Variants in WDR37 observed in about 807,000 individuals in gnomAD.
WDR37 encodes WD repeat domain 37, also known as WD repeat-containing protein 37.
A neutral mutation model predicts 62.9 loss-of-function variants in WDR37; 19 were observed. The ratio of observed to expected loss-of-function variants is 0.30; its 90% CI spans 0.21 to 0.44. The LOEUF is 0.44. Ranked by LOEUF, WDR37 falls within the 20% of genes least tolerant of loss-of-function variation. WDR37 has a pLI of 1.00. For missense variants in WDR37, 474 were observed against 657.6 expected (o/e 0.72, Z 3.05); for synonymous variants, 250 against 260.9 (o/e 0.96, Z 0.40).
intron 5 of WDR37, among the ~76,000 whole-genome samples, chr10:1,081,960 G>A (rs1319977491): frequency 2.6e-5 from 4 of 152,132 alleles, no homozygotes; most frequent in African/African-American, 9.7e-5. Context: ...GTATAGTAAT[G>A]CTTTGCTTTA....
intron 7 of WDR37, among the ~76,000 whole-genome samples, chr10:1,090,025 G>A (rs1834334178): frequency 1.3e-5 from 2 of 152,148 alleles, no homozygotes; most frequent in Admixed American, 1.3e-4. Context: ...GAAGTGCAGT[G>A]GTGCAATCTT....
At chr10:1,078,948 T>G (rs1833950994) in intron 3 of WDR37, among the ~76,000 whole-genome samples, 1 of 152,208 alleles carries the variant, frequency 6.6e-6, no homozygotes, top group Non-Finnish European at 1.5e-5. Context: ...AACTAAGTGG[T>G]GTGGTTGGAT....
intron 1 of WDR37, among the ~76,000 whole-genome samples, chr10:1,069,387 A>ATTTTTTT (rs1368989652): frequency 9.9e-5 from 3 of 30,444 alleles, no homozygotes; most frequent in Admixed American, 3.3e-4. Flanking sequence ...ATATATATAT[A>ATTTTTTT]TATTTTTTTT....
chr10:1,111,445 T>C (rs190819659), intron 11 of WDR37, among the ~76,000 whole-genome samples: 6 of 152,310 alleles, frequency 3.9e-5, no homozygotes, highest in Non-Finnish European at 8.8e-5. Flanking sequence ...CTGTGCCTTT[T>C]TGAAAGACTG....
rs60535483 is a variant in WDR37, at chr10:1,112,730, A to G, written c.1103+7463A>G. On this transcript the variant is annotated intron_variant, in intron 11 of 13. Transcript: ENST00000263150. ...GTCTGCATTGATTAAACCAGCCACA[A>G]CATTCCCTTTAGCCAAAGCCTAATC... is the stretch of plus-strand genomic sequence containing the variant. Among the ~76,000 whole-genome samples the G allele has an allele frequency of 3.9e-5, 6 of 152,394 alleles. No homozygotes were observed. The East Asian group carries it at 9.6e-4, about 24-fold the overall frequency.
intron 9 of WDR37, chr10:1,096,509 G>A (rs370035948): frequency 2.0e-5 from 10 of 497,974 alleles, no homozygotes; most frequent in Admixed American, 7.1e-5. Flanking sequence ...TCCGTGTCAC[G>A]TAAGAGCAGA....
Position 1,072,146 on chromosome 10 carries a change from C to T in WDR37, c.-10C>T. 6.2e-6 allele frequency: 10 copies of T among 1,614,006 alleles called. No homozygotes were observed. Among genetic ancestry groups the T allele is most frequent in the Non-Finnish European group, 8.5e-6 (10 of 1,179,930 alleles). ...TGCAGGAGTGACCAGGACACTACCTCCTAGAAGTAATGCCCACAGAAAGCG... is the reference window on the plus strand; with the variant it reads ...TGCAGGAGTGACCAGGACACTACCTTCTAGAAGTAATGCCCACAGAAAGCG... On this transcript the variant is annotated 5_prime_UTR_variant, in exon 2 of 14. Transcript: ENST00000263150.
intron 2 of WDR37, chr10:1,074,561 G>T (rs184493972): frequency 7.5e-5 from 98 of 1,299,946 alleles, no homozygotes; most frequent in Admixed American, 9.2e-5. Flanking sequence ...GGCGGGAGAG[G>T]TGAGTGGCCC....
At chr10:1,106,657 C>G (rs1042852561) in intron 11 of WDR37, among the ~76,000 whole-genome samples, 1 of 152,002 alleles carries the variant, frequency 6.6e-6, no homozygotes, top group African/African-American at 2.4e-5. Context: ...GCTGGGATTA[C>G]AGGCGCCCAC....
Position 1,129,398 on chromosome 10 carries a change from G to A in WDR37, c.*54G>A. On this transcript the variant is annotated 3_prime_UTR_variant, in exon 14 of 14. Coordinates refer to ENST00000263150, the MANE Select transcript of WDR37 (RefSeq NM_014023.4). ...TTGCCAGCACAGACCTTTGATGGGT[G>A]CAGGCTTTTCTGCGTATTAATCAGC... 1.2e-6 allele frequency: 2 copies of A among 1,604,510 alleles called. No individual in the cohort carries two copies. Among genetic ancestry groups the A allele is most frequent in the Non-Finnish European group, 1.7e-6 (2 of 1,172,992 alleles).
rs188008395 is a variant in WDR37 at position 1,063,417 on chromosome 10, G to A, written c.-41+6449G>A. Among the ~76,000 whole-genome samples, 676 of 151,650 alleles carry A rather than the reference G, an allele frequency of 4.5e-3. 6 individuals are homozygous for A. Among genetic ancestry groups the A allele is most frequent in the African/African-American group, 0.015 (605 of 41,280 alleles). ...CCTGCTAATCAGAGAACTTTTCGGC[G>A]GTAAGTACTTTCCTCCAGCTAAATA... On this transcript the variant is annotated intron_variant, in intron 1 of 13. Coordinates refer to ENST00000263150, the MANE Select transcript of WDR37 (RefSeq NM_014023.4).
At chr10:1,088,145 G>A (rs1834262789) in intron 7 of WDR37, among the ~76,000 whole-genome samples, 1 of 152,170 alleles carries the variant, frequency 6.6e-6, no homozygotes, top group Non-Finnish European at 1.5e-5. Context: ...TCTGAATTAG[G>A]CTGCAGCTAA....
intron 7 of WDR37, among the ~76,000 whole-genome samples, chr10:1,092,689 C>G (rs1366982603): frequency 2.0e-5 from 3 of 151,760 alleles, no homozygotes; most frequent in African/African-American, 7.3e-5. Flanking sequence ...TGGCAAGACC[C>G]TGTCTCTACT....
chr10:1,113,140 C>T (rs1430713972), intron 11 of WDR37, among the ~76,000 whole-genome samples: 12 of 152,132 alleles, frequency 7.9e-5, no homozygotes, highest in Non-Finnish European at 1.8e-4. Context: ...AGCCAGTGCT[C>T]ATTTACCATT....
rs147957107 is a variant in WDR37, at chr10:1,064,429, C to T, written c.-41+7461C>T. 7.2e-5 allele frequency among the ~76,000 whole-genome samples: 11 copies of T among 152,174 alleles called. No individual in the cohort carries two copies. In the East Asian group the frequency reaches 2.1e-3, roughly 29 times the overall value. On this transcript the variant is annotated intron_variant, in intron 1 of 13. Transcript: ENST00000263150. ...TGTTTCCTAAACTTGGCAAGCCATA[C>T]ACCTTCAGACGTAAGAAGCAGCATA...
chr10:1,069,263 T>C (rs560191210), intron 1 of WDR37, among the ~76,000 whole-genome samples: 2 of 151,426 alleles, frequency 1.3e-5, no homozygotes, highest in Non-Finnish European at 2.9e-5. Flanking sequence ...TGAGCAGCCT[T>C]ATTCTTGGGC....
chr10:1,112,137 T>G (rs1835236901), intron 11 of WDR37, among the ~76,000 whole-genome samples: 1 of 152,236 alleles, frequency 6.6e-6, no homozygotes, highest in Non-Finnish European at 1.5e-5. Flanking sequence ...AGCCCAGCCC[T>G]GGCTGAGCAG....
chr10:1,103,727 C>A lies in WDR37; in HGVS notation c.852C>A (p.Val284=), dbSNP rs1834898710. The A allele has an allele frequency of 1.2e-6, 2 of 1,614,244 alleles. No individual in the cohort carries two copies. Among genetic ancestry groups the A allele is most frequent in the Non-Finnish European group, 1.7e-6 (2 of 1,180,052 alleles). Residue 284 remains valine (V), a synonymous_variant, in exon 10 of 14, where the codon GTC becomes GTA. Coordinates refer to ENST00000263150, the MANE Select transcript of WDR37 (RefSeq NM_014023.4). The surrounding 1 kb of genome is among the most constrained non-coding windows in gnomAD (Gnocchi z 6.3). The part of the protein sequence containing the change: ...LTSLKSHQGV[V]IASDWLVGGK... ...CCCTCAAGAGCCACCAGGGCGTGGT[C>A]ATCGCCTCCGACTGGCTGGTTGGGG...
chr10:1,057,210 G>A (rs1833211494), intron 1 of WDR37, among the ~76,000 whole-genome samples: 1 of 151,850 alleles, frequency 6.6e-6, no homozygotes, highest in Non-Finnish European at 1.5e-5. Flanking sequence ...TGCAAGAGAA[G>A]TCGGGGCGCA....
Sources: gnomAD v4.1 joint callset for allele counts (sites outside exome capture counted in the v4.1 genomes callset) on GRCh38, gnomAD v4.1.1 for gene constraint, Gnocchi (gnomAD v3.1) non-coding constraint, MANE v1.5 for transcripts, NCBI Gene and HGNC (gene_info 2026-07-23, HGNC 2026-07-21) for gene names.